Variants in PRKG1 observed in about 807,000 individuals in gnomAD.
PRKG1 encodes the protein cGMP-dependent protein kinase 1.
A neutral mutation model predicts 88.1 loss-of-function variants in PRKG1; 35 were observed. The ratio of observed to expected loss-of-function variants is 0.40; its 90% CI spans 0.30 to 0.53. The LOEUF is 0.53. PRKG1 is among the 20% of genes least tolerant of loss of function. PRKG1 has a pLI of 0.59. For missense variants in PRKG1, 540 were observed against 839.8 expected (o/e 0.64, Z 4.41); for synonymous variants, 303 against 292.5 (o/e 1.04, Z -0.37).
At chr10:51,727,820 A>G (rs962300162) in intron 3 of PRKG1, among the ~76,000 whole-genome samples, 2 of 152,190 alleles carry the variant, frequency 1.3e-5, no homozygotes, top group African/African-American at 4.8e-5. Flanking sequence ...ATTTTAATAT[A>G]TTGAAGTCTA....
chr10:51,107,077 G>A (rs1844853781), intron 1 of PRKG1, among the ~76,000 whole-genome samples: 1 of 152,158 alleles, frequency 6.6e-6, no homozygotes, highest in African/African-American at 2.4e-5. Flanking sequence ...AGTCTGGGAA[G>A]GACTTTTATT....
chr10:51,326,412 A>G (rs1365427157), intron 2 of PRKG1, among the ~76,000 whole-genome samples: 1 of 152,202 alleles, frequency 6.6e-6, no homozygotes, highest in Non-Finnish European at 1.5e-5. Flanking sequence ...ATTGCTCCAG[A>G]CACATATTTC....
At chr10:51,149,163 T>C (rs1050984384) in intron 1 of PRKG1, among the ~76,000 whole-genome samples, 12 of 152,156 alleles carry the variant, frequency 7.9e-5, no homozygotes, top group Non-Finnish European at 1.6e-4. Context: ...GAGAAGACAA[T>C]GGTTGGATCT....
intron 2 of PRKG1, chr10:51,320,248 G>GT (rs1421638802): frequency 6.1e-6 from 1 of 165,260 alleles, no homozygotes; most frequent in Non-Finnish European, 1.4e-5. Context: ...GCACTCTTAT[G>GT]TAAGTGACAA....
At chr10:51,753,869 C>G (rs1407579686) in intron 3 of PRKG1, among the ~76,000 whole-genome samples, 3 of 152,120 alleles carry the variant, frequency 2.0e-5, no homozygotes, top group Non-Finnish European at 4.4e-5. Context: ...GATAAGGTCT[C>G]TTTTTCATGA....
chr10:51,975,644 A>G (rs969684595), intron 5 of PRKG1, among the ~76,000 whole-genome samples: 6 of 152,148 alleles, frequency 3.9e-5, no homozygotes, highest in Non-Finnish European at 2.9e-5. Context: ...AGGTTAATTC[A>G]TGTGTTTTCT....
At chr10:51,947,833 A>C (rs2133045882) in intron 5 of PRKG1, among the ~76,000 whole-genome samples, 1 of 151,486 alleles carries the variant, frequency 6.6e-6, no homozygotes, top group East Asian at 1.9e-4. Context: ...GAGAGTCTGA[A>C]CTTCATCCAG....
intron 5 of PRKG1, among the ~76,000 whole-genome samples, chr10:51,938,402 G>A (rs754156606): frequency 4.6e-5 from 7 of 151,978 alleles, no homozygotes; most frequent in Admixed American, 1.3e-4. Flanking sequence ...ATCTTGCAAT[G>A]TATCCCCTAT....
intron 3 of PRKG1, among the ~76,000 whole-genome samples, chr10:51,523,664 A>G (rs879862756): frequency 1.3e-5 from 2 of 152,202 alleles, no homozygotes; most frequent in Non-Finnish European, 2.9e-5. Context: ...TCTTAAGATT[A>G]TGGACATAGC....
At chr10:51,637,010 AT>A (rs1839672600) in intron 3 of PRKG1, among the ~76,000 whole-genome samples, 1 of 152,182 alleles carries the variant, frequency 6.6e-6, no homozygotes, top group African/African-American at 2.4e-5. Flanking sequence ...ACATCTTGTG[AT>A]GATCCAATAT....
chr10:51,683,351 C>A (rs1318455203), intron 3 of PRKG1, among the ~76,000 whole-genome samples: 1 of 138,096 alleles, frequency 7.2e-6, no homozygotes, highest in Non-Finnish European at 1.6e-5. Flanking sequence ...AAACAAAACA[C>A]CACAATGAGA....
intron 3 of PRKG1, among the ~76,000 whole-genome samples, chr10:51,737,740 A>ATTTATT (rs765792966): frequency 7.6e-4 from 101 of 133,412 alleles, no homozygotes; most frequent in South Asian, 4.5e-3. Flanking sequence ...TTTATTTATT[A>ATTTATT]ATTATTATTA....
intron 9 of PRKG1, among the ~76,000 whole-genome samples, chr10:52,213,524 A>G (rs1387708392): frequency 6.6e-6 from 1 of 152,228 alleles, no homozygotes; most frequent in Admixed American, 6.5e-5. Context: ...CCTAGCTGGA[A>G]CCAGTTCAGA....
At chr10:52,022,176 A>G (rs1005340688) in intron 5 of PRKG1, among the ~76,000 whole-genome samples, 4 of 152,184 alleles carry the variant, frequency 2.6e-5, no homozygotes, top group Admixed American at 6.5e-5. Flanking sequence ...AATTTGTCCA[A>G]CTGCAAGCTA....
In PRKG1 at chr10:52,119,170, T is replaced by C. The variant is rs541271501; in HGVS notation, c.936-14670T>C. 1.3e-5 allele frequency among the ~76,000 whole-genome samples: 2 copies of C among 152,288 alleles called. 1 individual carries two copies. Among genetic ancestry groups the C allele is most frequent in the African/African-American group, 4.8e-5 (2 of 41,576 alleles). ...ACAGGCTTATAATTACTATTCTATC[T>C]AAAGAAGTATCCTTGGATTCAAGAT... On this transcript the variant is annotated intron_variant, in intron 7 of 17. Transcript: ENST00000373980.
intron 2 of PRKG1, among the ~76,000 whole-genome samples, chr10:51,372,623 T>C (rs1842727186): frequency 6.6e-6 from 1 of 152,194 alleles, no homozygotes; most frequent in Non-Finnish European, 1.5e-5. Flanking sequence ...AAGTATAATA[T>C]TTCCTATAAT....
intron 9 of PRKG1, among the ~76,000 whole-genome samples, chr10:52,210,874 C>T (rs535524470): frequency 1.3e-5 from 2 of 152,256 alleles, no homozygotes; most frequent in Admixed American, 6.5e-5. Flanking sequence ...CATAAGCTGT[C>T]ATTTAAAAGT....
intron 3 of PRKG1, among the ~76,000 whole-genome samples, chr10:51,707,949 G>A (rs1841650201): frequency 6.6e-6 from 1 of 152,150 alleles, no homozygotes; most frequent in Non-Finnish European, 1.5e-5. Context: ...TAGGAATGTA[G>A]TAGCTAGCAT....
intron 2 of PRKG1, among the ~76,000 whole-genome samples, chr10:51,172,404 G>A (rs1837050676): frequency 6.6e-6 from 1 of 151,964 alleles, no homozygotes; most frequent in African/African-American, 2.4e-5. Flanking sequence ...AAAACAAATT[G>A]TTAAGACAAT....
Sources: gnomAD v4.1 joint callset for allele counts (sites outside exome capture counted in the v4.1 genomes callset) on GRCh38, gnomAD v4.1.1 for gene constraint, MANE v1.5 for transcripts, NCBI Gene and HGNC (gene_info 2026-07-23, HGNC 2026-07-21) for gene names.